Variants in RNFT2 observed in about 807,000 individuals in gnomAD.
RNFT2 encodes the protein E3 ubiquitin-protein ligase RNFT2.
In RNFT2, 36 loss-of-function variants were observed where a neutral mutation model predicts 53.0. The ratio of observed to expected loss-of-function variants is 0.68; its 90% CI spans 0.52 to 0.90. The LOEUF (loss-of-function observed/expected upper bound fraction) is 0.90, where lower values mean the gene tolerates loss of function less well. Ranked by LOEUF, RNFT2 falls within the 40% of genes least tolerant of loss-of-function variation. The pLI is 0.00. For synonymous variants in RNFT2, 260 were observed against 253.2 expected, an observed-to-expected ratio of 1.03 and a Z score of -0.26; for missense variants, 514 against 585.6, an observed-to-expected ratio of 0.88 and a Z score of 1.26.
chr12:116,821,671 G>A lies in RNFT2; in HGVS notation c.883-12121G>A, dbSNP rs1437560104. Among the ~76,000 whole-genome samples the A allele has an allele frequency of 3.3e-5, 5 of 152,314 alleles. No homozygotes were observed. The East Asian group carries it at 9.6e-4, about 29-fold the overall frequency. On this transcript the variant is annotated intron_variant, in intron 7 of 10. Coordinates refer to ENST00000257575, the MANE Select transcript of RNFT2 (RefSeq NM_001382266.1). The stretch of plus-strand genomic sequence containing the variant: ...GCTGAGGGCCCCCTCTGGCCCAGGA[G>A]GCTGGAAGCAGTCCCTCCTGCTTAT...
Position 116,851,768 on chromosome 12 carries a change from G to GAGGGAGGGAGGAAGGA in RNFT2, c.*2324_*2339dup, listed in dbSNP as rs1877938675. On this transcript the variant is annotated 3_prime_UTR_variant, in exon 11 of 11. Transcript: ENST00000257575. ...TAAAAAAAAAAAGAAAGAAAGAAGG[G>GAGGGAGGGAGGAAGGA]AGGGAGGGAGGAAGGAAGGAAGGAA... is the stretch of plus-strand genomic sequence containing the variant. The GAGGGAGGGAGGAAGGA allele has an allele frequency of 2.6e-6, 2 of 767,752 alleles. No individual in the cohort carries two copies. The highest frequency in any genetic ancestry group is 4.4e-6 in the Non-Finnish European group (2 of 449,722). 47.6% of individuals were successfully genotyped at this position (767,752 alleles called of 1,614,324 possible).
At chr12:116,749,604 G>T (rs1359220717) in intron 3 of RNFT2, among the ~76,000 whole-genome samples, 2 of 152,060 alleles carry the variant, frequency 1.3e-5, no homozygotes, top group Non-Finnish European at 2.9e-5. Flanking sequence ...AGGGACAGCA[G>T]TCACACTGGA....
chr12:116,798,814 G>A (rs751756736), intron 7 of RNFT2, among the ~76,000 whole-genome samples: 25 of 152,154 alleles, frequency 1.6e-4, no homozygotes, highest in East Asian at 5.8e-4. Flanking sequence ...AAGCTCAAGC[G>A]ATCTACCTGC....
chr12:116,762,016 G>A (rs1351603268), intron 5 of RNFT2, among the ~76,000 whole-genome samples: 2 of 142,654 alleles, frequency 1.4e-5, no homozygotes, highest in Non-Finnish European at 3.0e-5. Flanking sequence ...GCAGTGAGCC[G>A]AGATCACACC....
intron 10 of RNFT2, among the ~76,000 whole-genome samples, chr12:116,837,082 T>C (rs1211536060): frequency 6.6e-6 from 1 of 152,212 alleles, no homozygotes; most frequent in Non-Finnish European, 1.5e-5. Context: ...ATTATTACCA[T>C]TTGTTTTTAT....
intron 4 of RNFT2, among the ~76,000 whole-genome samples, chr12:116,753,237 C>T (rs1872340123): frequency 6.7e-6 from 1 of 150,156 alleles, no homozygotes; most frequent in Admixed American, 6.6e-5. Flanking sequence ...TGCAGCCTCC[C>T]CATCCTGGGT....
intron 6 of RNFT2, among the ~76,000 whole-genome samples, chr12:116,775,036 C>T (rs1237147089): frequency 6.6e-6 from 1 of 151,638 alleles, no homozygotes; most frequent in African/African-American, 2.4e-5. Flanking sequence ...CTGAGGTGGG[C>T]GGATCCCCTG....
At chr12:116,841,834 A>AATATATATAAAAAT (rs1877298866) in intron 10 of RNFT2, among the ~76,000 whole-genome samples, 6 of 30,132 alleles carry the variant, frequency 2.0e-4, no homozygotes, top group Non-Finnish European at 2.9e-4. Flanking sequence ...TATATATATA[A>AATATATATAAAAAT]ATATATATAT....
At chr12:116,750,909 T>TA (rs775687591) in intron 4 of RNFT2, among the ~76,000 whole-genome samples, 5,464 of 13,086 alleles carry the variant, frequency 0.42, 357 homozygotes, top group Non-Finnish European at 0.5. Flanking sequence ...TATATATATA[T>TA]TTTTTTTTGA....
At chr12:116,824,643 T>G (rs1301272459) in intron 7 of RNFT2, among the ~76,000 whole-genome samples, 1 of 152,170 alleles carries the variant, frequency 6.6e-6, no homozygotes, top group East Asian at 1.9e-4. Flanking sequence ...TCTCTGAAGT[T>G]TCTACATGAT....
At chr12:116,789,510 T>C (rs1322520588) in intron 7 of RNFT2, among the ~76,000 whole-genome samples, 1 of 138,260 alleles carries the variant, frequency 7.2e-6, no homozygotes, top group Non-Finnish European at 1.6e-5. Context: ...GATGGGTAAA[T>C]GGGAGGAGAG....
In RNFT2 at chr12:116,770,009, G is replaced by T. The variant is rs554568192; in HGVS notation, c.728+3095G>T. On this transcript the variant is annotated intron_variant, in intron 6 of 10. Transcript: ENST00000257575. The stretch of plus-strand genomic sequence containing the variant: ...AAAATCGTGCCACTGCATCCAGTCT[G>T]GGTGATAGAATGAGACTCTATCTCA... Among the ~76,000 whole-genome samples the T allele has an allele frequency of 4.6e-5, 7 of 152,274 alleles. 1 individual carries two copies. The East Asian group carries it at 1.2e-3, about 25-fold the overall frequency.
At chr12:116,740,603 C>A in intron 2 of RNFT2, 82 bp downstream of exon 2, 1 of 1,232,756 alleles carries the variant, frequency 8.1e-7, no homozygotes, top group Non-Finnish European at 1.2e-6. Context: ...GGTTTGACCA[C>A]TCCACCCCTC....
chr12:116,791,716 A>G (rs1874239232), intron 7 of RNFT2, among the ~76,000 whole-genome samples: 1 of 152,214 alleles, frequency 6.6e-6, no homozygotes, highest in African/African-American at 2.4e-5. Context: ...CTTTTTGGCT[A>G]TTGTGAATAG....
intron 7 of RNFT2, among the ~76,000 whole-genome samples, chr12:116,826,444 G>C (rs1002890213): frequency 6.6e-6 from 1 of 152,208 alleles, no homozygotes; most frequent in Non-Finnish European, 1.5e-5. Flanking sequence ...TGAAGCCCCA[G>C]AGAAACCACA....
At chr12:116,743,761 G>A (rs1871760142) in intron 3 of RNFT2, among the ~76,000 whole-genome samples, 1 of 152,052 alleles carries the variant, frequency 6.6e-6, no homozygotes, top group Non-Finnish European at 1.5e-5. Flanking sequence ...GGTATCCCCC[G>A]GTCCCAGCAC....
intron 4 of RNFT2, among the ~76,000 whole-genome samples, chr12:116,753,148 C>CTTTTT (rs11377177): frequency 5.6e-4 from 52 of 93,692 alleles, no homozygotes; most frequent in Non-Finnish European, 6.7e-4. Context: ...TTTTCTTTTT[C>CTTTTT]TTTTTTTTTT....
At chr12:116,762,577 C>A (rs934905812) in intron 5 of RNFT2, among the ~76,000 whole-genome samples, 2 of 148,674 alleles carry the variant, frequency 1.3e-5, no homozygotes, top group African/African-American at 2.5e-5. Flanking sequence ...TTCTTCTCTA[C>A]CAATTTTTTT....
chr12:116,773,763 A>C (rs1164925830), intron 6 of RNFT2, among the ~76,000 whole-genome samples: 3 of 152,252 alleles, frequency 2.0e-5, no homozygotes, highest in African/African-American at 7.2e-5. Context: ...CCAGACTTAG[A>C]GATTTCACAA....
Sources: gnomAD v4.1 joint callset for allele counts (sites outside exome capture counted in the v4.1 genomes callset) on GRCh38, gnomAD v4.1.1 for gene constraint, MANE v1.5 for transcripts, NCBI Gene and HGNC (gene_info 2026-07-23, HGNC 2026-07-21) for gene names.